ADAMTSL1: variants seen among roughly 807,000 people sequenced by gnomAD.
The protein encoded by ADAMTSL1 is ADAMTS like 1, also known as ADAMTS-like protein 1.
ADAMTSL1 carries 126 observed loss-of-function variants against 201.8 expected under a neutral mutation model. The ratio of observed to expected loss-of-function variants is 0.62; its 90% CI spans 0.54 to 0.72. The LOEUF (loss-of-function observed/expected upper bound fraction) is 0.72. Ranked by LOEUF, ADAMTSL1 falls within the 30% of genes least tolerant of loss-of-function variation. The pLI is 0.00. For missense variants in ADAMTSL1, 2,679 were observed against 2,277.8 expected, an observed-to-expected ratio of 1.18 and a Z score of -3.59; for synonymous variants, 1,121 against 903.4, an observed-to-expected ratio of 1.24 and a Z score of -4.32.
intron 15 of ADAMTSL1, 123 bp from the exon 16 acceptor site, chr9:18,753,175 C>G (rs1417821139): frequency 5.6e-6 from 5 of 890,740 alleles, no homozygotes; most frequent in Non-Finnish European, 9.1e-6. Flanking sequence ...GAGCTGCCAG[C>G]CAATCTTGGG....
At chr9:18,301,398 G>A (rs1014133891) in intron 2 of ADAMTSL1, among the ~76,000 whole-genome samples, 5 of 152,088 alleles carry the variant, frequency 3.3e-5, no homozygotes, top group Non-Finnish European at 7.4e-5. Flanking sequence ...TTTTCCACTG[G>A]CGATCTGTTC....
chr9:18,604,268 G>C (rs952902529), intron 4 of ADAMTSL1, among the ~76,000 whole-genome samples: 1 of 152,170 alleles, frequency 6.6e-6, no homozygotes, highest in Admixed American at 6.5e-5. Context: ...AATTACATAG[G>C]GTAGGGCTTA....
chr9:18,476,928 G>C (rs898687386), intron 1 of ADAMTSL1, among the ~76,000 whole-genome samples: 5 of 151,972 alleles, frequency 3.3e-5, no homozygotes, highest in African/African-American at 1.2e-4. Flanking sequence ...CTTTCCCCTT[G>C]GAACTTATTT....
At chr9:18,681,306 T>A (rs1418701533) in intron 11 of ADAMTSL1, 3 of 152,548 alleles carry the variant, frequency 2.0e-5, no homozygotes, top group South Asian at 2.1e-4. Flanking sequence ...TCTGTTTTTT[T>A]AAATGTTATT....
intron 3 of ADAMTSL1, among the ~76,000 whole-genome samples, chr9:18,537,481 T>C (rs775020929): frequency 9.2e-5 from 14 of 152,152 alleles, no homozygotes; most frequent in Middle Eastern, 3.4e-3. Context: ...AGGAAGAGTA[T>C]TGGAAGATAA....
At chr9:18,839,485 A>T (rs1242824771) in intron 23 of ADAMTSL1, among the ~76,000 whole-genome samples, 2 of 152,262 alleles carry the variant, frequency 1.3e-5, no homozygotes, top group African/African-American at 2.4e-5. Context: ...ATAGTGCCGC[A>T]ATAAACATAT....
Position 17,929,972 on chromosome 9 carries a change from A to C in ADAMTSL1, c.87+23050A>C, listed in dbSNP as rs1362555291. Among the ~76,000 whole-genome samples, 3 of 152,194 alleles carry C rather than the reference A, an allele frequency of 2.0e-5. No homozygotes were observed. In the South Asian group the frequency reaches 6.2e-4, roughly 31 times the overall value. Reference sequence around the variant, plus strand: ...TTCAGTGCCTGGCATTGTTGAAAAAAGGATTAATGAAATATTTTTGAGAAA... The same window carrying C: ...TTCAGTGCCTGGCATTGTTGAAAAACGGATTAATGAAATATTTTTGAGAAA... On this transcript the variant is annotated intron_variant, in intron 1 of 29. Coordinates refer to the ADAMTSL1 transcript ENST00000680146.
rs891220584 is a variant in ADAMTSL1, at chr9:17,936,710, T to C, written c.87+29788T>C. On this transcript the variant is annotated intron_variant, in intron 1 of 29. Coordinates refer to the ADAMTSL1 transcript ENST00000680146. ...CCAGAGGCAAGAGGCTTACAGCAGG[T>C]ACCACCCCTGCTTGCTGCCAAATAT... Among the ~76,000 whole-genome samples, 8 of 152,198 alleles carry C rather than the reference T, an allele frequency of 5.3e-5. No homozygotes were observed. The East Asian group carries it at 1.5e-3, about 29-fold the overall frequency.
In ADAMTSL1 at chr9:18,433,025, A is replaced by T. The variant is rs571061085; in HGVS notation, c.208-71804A>T. 8.7e-4 allele frequency among the ~76,000 whole-genome samples: 132 copies of T among 152,290 alleles called. 1 individual carries two copies. The highest frequency in any genetic ancestry group is 3.1e-3 in the African/African-American group (127 of 41,574). The stretch of plus-strand genomic sequence containing the variant: ...GAATGAAAACATTTTCATCTTTCTC[A>T]CTATTTAAATCTTTTAAAATAACTT... On this transcript the variant is annotated intron_variant, in intron 2 of 29. Transcript: ENST00000680146.
Position 18,179,023 on chromosome 9 carries a change from C to T in ADAMTSL1, c.207+15042C>T, listed in dbSNP as rs370847110. ...TCACCAGCAACAGAACAAAGCTGGACGGAGAATGACTTTGACGAGCTGAGA... is the reference window on the plus strand; with the variant it reads ...TCACCAGCAACAGAACAAAGCTGGATGGAGAATGACTTTGACGAGCTGAGA... On this transcript the variant is annotated intron_variant, in intron 2 of 29. Coordinates refer to the ADAMTSL1 transcript ENST00000680146. Among the ~76,000 whole-genome samples the T allele has an allele frequency of 2.4e-3, 364 of 152,328 alleles. 1 individual carries two copies. The highest frequency in any genetic ancestry group is 7.3e-3 in the African/African-American group (304 of 41,572).
chr9:18,558,722 A>G (rs1343188622), intron 3 of ADAMTSL1, among the ~76,000 whole-genome samples: 2 of 152,172 alleles, frequency 1.3e-5, no homozygotes, highest in Non-Finnish European at 2.9e-5. Flanking sequence ...ATGATATGGT[A>G]TCTCATTATA....
chr9:18,780,732 A>G (rs1273803008), intron 19 of ADAMTSL1, among the ~76,000 whole-genome samples: 1 of 152,202 alleles, frequency 6.6e-6, no homozygotes, highest in African/African-American at 2.4e-5. Flanking sequence ...TTAATAGGAT[A>G]TTAGTCATGT....
chr9:18,074,503 TTTC>T (rs1431110007), intron 1 of ADAMTSL1, among the ~76,000 whole-genome samples: 1 of 77,182 alleles, frequency 1.3e-5, no homozygotes, highest in African/African-American at 6.4e-5. Context: ...TTTCTTTTCT[TTTC>T]TTTTCTTCTT....
intron 2 of ADAMTSL1, among the ~76,000 whole-genome samples, chr9:18,511,273 T>A (rs1178620669): frequency 6.6e-6 from 1 of 151,864 alleles, no homozygotes; most frequent in Non-Finnish European, 1.5e-5. Flanking sequence ...ACATTAATAT[T>A]GTATTAAGAG....
At chr9:18,429,929 A>C (rs975270833) in intron 2 of ADAMTSL1, among the ~76,000 whole-genome samples, 1 of 151,984 alleles carries the variant, frequency 6.6e-6, no homozygotes, top group African/African-American at 2.4e-5. Flanking sequence ...AGCTGGGATT[A>C]CAGGCACGTG....
intron 3 of ADAMTSL1, among the ~76,000 whole-genome samples, chr9:18,561,079 G>T (rs957927692): frequency 6.6e-6 from 1 of 151,534 alleles, no homozygotes; most frequent in African/African-American, 2.4e-5. Context: ...TTTGAAATCC[G>T]TTCCTGTTTG....
intron 3 of ADAMTSL1, among the ~76,000 whole-genome samples, chr9:18,564,644 T>C (rs905976651): frequency 6.6e-6 from 1 of 152,346 alleles, no homozygotes; most frequent in African/African-American, 2.4e-5. Flanking sequence ...CACTGTATAA[T>C]TGTGTGCTTA....
chr9:18,746,132 T>C (rs1323816928), intron 15 of ADAMTSL1, among the ~76,000 whole-genome samples: 2 of 151,140 alleles, frequency 1.3e-5, no homozygotes, highest in African/African-American at 4.9e-5. Context: ...CCAGTGGAGG[T>C]TTTTAATCAG....
intron 1 of ADAMTSL1, among the ~76,000 whole-genome samples, chr9:18,107,880 A>G (rs73420884): frequency 5.9e-5 from 9 of 152,250 alleles, no homozygotes; most frequent in Middle Eastern, 3.4e-3. Flanking sequence ...CACGACCAGC[A>G]TTGTTCTTCA....
Sources: allele counts gnomAD v4.1 joint callset (sites outside exome capture counted in the v4.1 genomes callset), GRCh38; gene constraint gnomAD v4.1.1; transcripts MANE v1.5; gene names NCBI Gene and HGNC (gene_info 2026-07-23, HGNC 2026-07-21).